The following SAG variants were observed in gnomAD, a reference collection of about 807,000 sequenced individuals.
SAG encodes the protein S-antigen visual arrestin.
Under a neutral mutation model 55.0 loss-of-function variants are expected in SAG, and 45 were observed. The observed-to-expected ratio is 0.82, with a 90% confidence interval of 0.64 to 1.05. SAG has a LOEUF of 1.05. Ranked by LOEUF, SAG falls within the 50% of genes least tolerant of loss-of-function variation. The pLI is 0.00. For synonymous variants in SAG, 189 were observed against 197.4 expected (o/e 0.96, Z 0.36); for missense variants, 455 against 512.1 (o/e 0.89, Z 1.08).
At position 233,317,797 on chromosome 2, in the gene SAG, ATG is replaced by A. The variant is rs1017842091; in HGVS notation, c.137-942_137-941del. Among the ~76,000 whole-genome samples the A allele has an allele frequency of 1.9e-4, 29 of 150,710 alleles. No homozygotes were observed. The East Asian group carries it at 4.1e-3, about 21-fold the overall frequency. On this transcript the variant is annotated intron_variant, in intron 3 of 15. Coordinates refer to ENST00000409110, the MANE Select transcript of SAG (RefSeq NM_000541.5). Reference sequence around the variant, plus strand: ...AAAATGATTAGCACGTTTTCTCTATATGTGTGTGTGTGTATATATATACGTGT... The same window carrying A: ...AAAATGATTAGCACGTTTTCTCTATATGTGTGTGTGTATATATATACGTGT...
At chr2:233,313,120 C>G (rs1378738085) in intron 2 of SAG, among the ~76,000 whole-genome samples, 1 of 152,198 alleles carries the variant, frequency 6.6e-6, no homozygotes, top group Non-Finnish European at 1.5e-5. Flanking sequence ...GTGCTGCACA[C>G]TGAGGTGTGG....
chr2:233,311,405 T>C (rs891430357), intron 2 of SAG, among the ~76,000 whole-genome samples: 1 of 152,136 alleles, frequency 6.6e-6, no homozygotes, highest in Admixed American at 6.5e-5. Flanking sequence ...TTCTCTCATA[T>C]CTCATTGGCC....
chr2:233,314,957 C>G (rs1366219970), intron 2 of SAG, among the ~76,000 whole-genome samples: 1 of 152,196 alleles, frequency 6.6e-6, no homozygotes, highest in Non-Finnish European at 1.5e-5. Context: ...GTGCACTTGG[C>G]AAACACTGAA....
chr2:233,328,661 C>A, intron 8 of SAG, 48 bp downstream of exon 8: 1 of 1,560,024 alleles, frequency 6.4e-7, no homozygotes. Flanking sequence ...GGCCTAGGGG[C>A]AGGCCCCACA....
In SAG at chr2:233,319,550, G is replaced by A; in HGVS notation, c.181+755G>A. 4.1e-6 allele frequency: 4 copies of A among 987,292 alleles called. No individual in the cohort carries two copies. Among genetic ancestry groups the A allele is most frequent in the Non-Finnish European group, 4.8e-6 (4 of 830,490 alleles). The allele number at this position is 987,292 out of a possible 1,614,324, so 61.2% of individuals were successfully genotyped here. On this transcript the variant is annotated intron_variant, in intron 4 of 15. Transcript: ENST00000409110. This position sits in a 1 kb window ranked among gnomAD's most constrained non-coding sequence, Gnocchi z 4.4. ...CAAGGAATTGTTCAGAACCCTGGATGTGCCACTGGAATACGTCAGCTATGG... is the reference window on the plus strand; with the variant it reads ...CAAGGAATTGTTCAGAACCCTGGATATGCCACTGGAATACGTCAGCTATGG...
chr2:233,331,095 A>G (rs1356255668), intron 9 of SAG, among the ~76,000 whole-genome samples: 19 of 152,156 alleles, frequency 1.2e-4, no homozygotes, highest in Non-Finnish European at 2.8e-4. Context: ...ATTAAAAGTC[A>G]TCTTTTTAAT....
chr2:233,337,105 A>T (rs1214172366), intron 11 of SAG, among the ~76,000 whole-genome samples: 1 of 152,038 alleles, frequency 6.6e-6, no homozygotes, highest in East Asian at 1.9e-4. Flanking sequence ...CAAAAAAAAA[A>T]AAAAGTCAAT....
chr2:233,320,729 T>G lies in SAG; in HGVS notation c.281T>G (p.Val94Gly), dbSNP rs777824290. The G allele has an allele frequency of 6.2e-7, 1 of 1,605,168 alleles. No homozygotes were observed. Among genetic ancestry groups the G allele is most frequent in the Admixed American group, 1.7e-5 (1 of 58,552 alleles). The change falls in exon 5 of 16, where the codon GTG becomes GGG. Residue 94 changes from valine (V) to glycine (G), a missense_variant. Transcript: ENST00000409110. ...GACCTGTACTTCTCCCGGGTCCAGG[T>G]GTATCCTCCTGTGGGGGCCGCGAGC... ...RRDLYFSRVQ[V>G]YPPVGAASTP... is the part of the protein sequence containing the mutation.
intron 14 of SAG, chr2:233,345,182 T>C (rs946134167): frequency 6.6e-6 from 1 of 152,112 alleles, no homozygotes; most frequent in Admixed American, 6.6e-5. Flanking sequence ...CCATTCAAAT[T>C]AATAGCAGTT....
At position 233,340,473 on chromosome 2, in the gene SAG, CT is replaced by C; in HGVS notation, c.1042del (p.Ser348ProfsTer30). On this transcript the variant is annotated frameshift_variant, in exon 13 of 16. Transcript: ENST00000409110. LOFTEE classifies it high-confidence loss of function. This position sits in a 1 kb window ranked among gnomAD's most constrained non-coding sequence, Gnocchi z 4.2. ...TVSGFLGELT[S>X]SEVATEVPFR... The stretch of plus-strand genomic sequence containing the variant: ...TTTCTAGCTTTCTGGGAGAGCTCAC[CT>C]CCAGGTAAGCCTGTTCACCTTCCTT... 4.3e-6 allele frequency: 7 copies of C among 1,610,598 alleles called. No individual in the cohort carries two copies. Among genetic ancestry groups the C allele is most frequent in the Non-Finnish European group, 5.9e-6 (7 of 1,178,038 alleles).
intron 6 of SAG, among the ~76,000 whole-genome samples, chr2:233,325,863 G>A (rs1181144082): frequency 2.0e-5 from 3 of 152,018 alleles, no homozygotes; most frequent in Non-Finnish European, 2.9e-5. Context: ...AAGCCCAGGT[G>A]GGCGAGCAGA....
chr2:233,318,996 C>T, intron 4 of SAG: 1 of 714,266 alleles, frequency 1.4e-6, no homozygotes. Context: ...CACCAGAGCT[C>T]ACTCGCTCAG....
At chr2:233,331,825 C>T in intron 10 of SAG, 113 bp downstream of exon 10, 1 of 768,154 alleles carries the variant, frequency 1.3e-6, no homozygotes, top group Non-Finnish European at 2.3e-6. Flanking sequence ...CGCCAGCCTT[C>T]CACTTCCTTC....
intron 1 of SAG, among the ~76,000 whole-genome samples, chr2:233,308,272 C>T (rs1302592627): frequency 6.6e-6 from 1 of 152,016 alleles, no homozygotes; most frequent in African/African-American, 2.4e-5. Flanking sequence ...CCAACTTGAG[C>T]AATACAGTCA....
intron 5 of SAG, 107 bp from the exon 6 acceptor site, chr2:233,322,839 T>C: frequency 1.3e-6 from 1 of 767,006 alleles, no homozygotes. Context: ...TGATTTTTCT[T>C]TTTTCTTGCT....
chr2:233,324,971 A>T (rs1389255076), intron 6 of SAG, among the ~76,000 whole-genome samples: 2 of 152,154 alleles, frequency 1.3e-5, no homozygotes, highest in South Asian at 2.1e-4. Context: ...CATGCCTGTA[A>T]TCCCAGCACT....
chr2:233,328,030 A>G (rs2125336254), intron 7 of SAG: 1 of 154,570 alleles, frequency 6.5e-6, no homozygotes, highest in South Asian at 2.1e-4. Context: ...TTTTTTACCT[A>G]AACAAGATTT....
intron 2 of SAG, among the ~76,000 whole-genome samples, chr2:233,314,882 T>C (rs1163207463): frequency 6.6e-6 from 1 of 152,144 alleles, no homozygotes; most frequent in Admixed American, 6.5e-5. Context: ...TTCAAAATAT[T>C]CATTCGAAGA....
intron 2 of SAG, among the ~76,000 whole-genome samples, chr2:233,309,811 C>T (rs112150105): frequency 4.6e-5 from 7 of 152,330 alleles, no homozygotes; most frequent in East Asian, 3.9e-4. Context: ...CAGTTTTCTC[C>T]GAATCCCTCA....
Sources: gnomAD v4.1 joint callset for allele counts (sites outside exome capture counted in the v4.1 genomes callset) on GRCh38, gnomAD v4.1.1 for gene constraint, Gnocchi (gnomAD v3.1) non-coding constraint, MANE v1.5 for transcripts, NCBI Gene and HGNC (gene_info 2026-07-23, HGNC 2026-07-21) for gene names.